The following LY96 variants were observed in gnomAD, a reference collection of about 807,000 sequenced individuals.
The protein encoded by LY96 is myeloid differentiation protein-2.
In LY96, 18 loss-of-function variants were observed where a neutral mutation model predicts 18.9. The observed-to-expected ratio is 0.95, with a 90% CI of 0.66 to 1.41. LY96 has a LOEUF of 1.41. LY96 is among the 40% of genes most tolerant of loss of function. The pLI is 0.00. For synonymous variants in LY96, 66 were observed against 62.6 expected (o/e 1.06, Z -0.26); for missense variants, 175 against 182.4 (o/e 0.96, Z 0.23).
the LY96 span, among the ~76,000 whole-genome samples, chr8:74,077,757 A>T: frequency 6.6e-6 from 1 of 151,990 alleles, no homozygotes; most frequent in South Asian, 2.1e-4. Context: ...GTGTTAAAAC[A>T]TAATAAAACA....
chr8:74,085,912 C>T, the LY96 span, among the ~76,000 whole-genome samples: 7 of 152,206 alleles, frequency 4.6e-5, no homozygotes, highest in Admixed American at 3.3e-4. Flanking sequence ...CATTTAGGGT[C>T]TACTGTCAGC....
chr8:74,093,725 A>G, the LY96 span, among the ~76,000 whole-genome samples: 1 of 152,186 alleles, frequency 6.6e-6, no homozygotes, highest in East Asian at 1.9e-4. Flanking sequence ...GGCTGGTAAG[A>G]TTCTTTATAT....
chr8:74,058,296 T>G, the LY96 span, among the ~76,000 whole-genome samples: 1 of 152,232 alleles, frequency 6.6e-6, no homozygotes, highest in Admixed American at 6.5e-5. Context: ...TTTAATTATA[T>G]TAAGCTGATC....
chr8:74,059,067 T>C, the LY96 span, among the ~76,000 whole-genome samples: 2 of 152,164 alleles, frequency 1.3e-5, no homozygotes, highest in African/African-American at 2.4e-5. Context: ...TCCACCCACA[T>C]TGGGGAAGGC....
At chr8:74,002,024 TTCCTTCCTTCCTTCCTTCCTTCCTTC>T (rs1816290797) in intron 1 of LY96, among the ~76,000 whole-genome samples, 1 of 20,380 alleles carries the variant, frequency 4.9e-5, no homozygotes, top group Admixed American at 5.8e-4. Context: ...CCTTCCTTCC[TTCCTTCCTTCCTTCCTTCCTTCCTTC>T]CTTCCTTCCT....
the LY96 span, among the ~76,000 whole-genome samples, chr8:74,097,866 C>T: frequency 6.6e-6 from 1 of 152,204 alleles, no homozygotes; most frequent in Non-Finnish European, 1.5e-5. Context: ...AGACCTGGCA[C>T]CAGCCCTGCT....
At chr8:74,076,500 T>C in the LY96 span, among the ~76,000 whole-genome samples, 1 of 151,998 alleles carries the variant, frequency 6.6e-6, no homozygotes, top group Non-Finnish European at 1.5e-5. Flanking sequence ...ATATTTTGTA[T>C]TTTTAGTAGA....
In LY96 at chr8:74,014,394, GAA is replaced by G. The variant is rs60971901; in HGVS notation, c.331+4276_331+4277del. Among the ~76,000 whole-genome samples, 165 of 112,852 alleles carry G rather than the reference GAA, an allele frequency of 1.5e-3. 2 individuals carry two copies. The highest frequency in any genetic ancestry group is 4.8e-3 in the African/African-American group (153 of 32,014). 74.0% of individuals were successfully genotyped at this position (112,852 alleles called of 152,430 possible). On this transcript the variant is annotated intron_variant, in intron 3 of 4. Transcript: ENST00000284818. ...ACTCCCTGACTTAAAAAAAAAAAAA[GAA>G]AAAAAAAAAAGCACCACACTTGAGG... is the stretch of plus-strand genomic sequence containing the variant.
chr8:74,018,935 G>C (rs187395126), intron 3 of LY96, among the ~76,000 whole-genome samples: 202 of 152,156 alleles, frequency 1.3e-3, no homozygotes, highest in African/African-American at 4.2e-3. Flanking sequence ...TGTGTAGAGG[G>C]AAATTTATAG....
chr8:74,085,007 G>A, the LY96 span, among the ~76,000 whole-genome samples: 10,640 of 152,176 alleles, frequency 0.07, 844 homozygotes, highest in African/African-American at 0.2. Flanking sequence ...AACAGGTTAC[G>A]GTGTGATTAC....
chr8:73,996,962 C>T (rs2131253625), intron 1 of LY96, among the ~76,000 whole-genome samples: 1 of 152,234 alleles, frequency 6.6e-6, no homozygotes, highest in Non-Finnish European at 1.5e-5. Flanking sequence ...TCAGGCTGGT[C>T]TCGAACTTCT....
chr8:74,010,898 G>C (rs1816517437), intron 3 of LY96, among the ~76,000 whole-genome samples: 1 of 140,022 alleles, frequency 7.1e-6, no homozygotes, highest in Non-Finnish European at 1.5e-5. Flanking sequence ...AAATCCCTTA[G>C]CAGATTACTG....
the LY96 span, among the ~76,000 whole-genome samples, chr8:74,066,142 C>A: frequency 2.6e-5 from 4 of 152,078 alleles, no homozygotes; most frequent in African/African-American, 9.7e-5. Context: ...AATGCACCAG[C>A]AGATTCAGTT....
At chr8:74,084,081 G>T in the LY96 span, among the ~76,000 whole-genome samples, 1 of 151,500 alleles carries the variant, frequency 6.6e-6, no homozygotes, top group Non-Finnish European at 1.5e-5. Flanking sequence ...GTTTTCTCCA[G>T]TAGAGTTTCC....
chr8:73,991,700 A>T, intron 1 of LY96, 146 bp downstream of exon 1: 1 of 627,454 alleles, frequency 1.6e-6, no homozygotes, highest in Non-Finnish European at 2.9e-6. Context: ...AGGAAAAGCA[A>T]TAGCTGGCAG....
the LY96 span, among the ~76,000 whole-genome samples, chr8:74,097,696 ACT>A: frequency 2.0e-5 from 3 of 151,966 alleles, no homozygotes; most frequent in African/African-American, 7.3e-5. Flanking sequence ...ACAGAGCAAG[ACT>A]CTGTCTCAAA....
At chr8:74,091,370 G>A in the LY96 span, among the ~76,000 whole-genome samples, 1 of 152,156 alleles carries the variant, frequency 6.6e-6, no homozygotes, top group African/African-American at 2.4e-5. Context: ...GTTAGAATTC[G>A]TTCTTACAGA....
chr8:73,997,757 AG>A (rs747641980), intron 1 of LY96, among the ~76,000 whole-genome samples: 1 of 152,192 alleles, frequency 6.6e-6, no homozygotes, highest in Non-Finnish European at 1.5e-5. Context: ...TCAGAACACA[AG>A]GAAACACTCA....
the LY96 span, among the ~76,000 whole-genome samples, chr8:74,038,592 T>A: frequency 6.6e-6 from 1 of 152,216 alleles, no homozygotes; most frequent in Admixed American, 6.5e-5. Flanking sequence ...GGTCTTACTA[T>A]ATTGACCAGG....
Sources: allele counts gnomAD v4.1 joint callset (sites outside exome capture counted in the v4.1 genomes callset), GRCh38; gene constraint gnomAD v4.1.1; transcripts MANE v1.5; gene names NCBI Gene and HGNC (gene_info 2026-07-23, HGNC 2026-07-21).